Variants in PTPRD observed in about 807,000 individuals in gnomAD.
PTPRD encodes protein tyrosine phosphatase receptor type D, also known as receptor-type tyrosine-protein phosphatase delta.
A neutral mutation model predicts 214.5 loss-of-function variants in PTPRD; 34 were observed. That is an observed-to-expected ratio of 0.16 (90% CI 0.12 to 0.21). The LOEUF is 0.21. Ranked by LOEUF, PTPRD falls within the 10% of genes least tolerant of loss-of-function variation. PTPRD has a pLI of 1.00. For synonymous variants in PTPRD, 1,128 were observed against 845.7 expected, an observed-to-expected ratio of 1.33 and a Z score of -5.79; for missense variants, 2,545 against 2,398.7, an observed-to-expected ratio of 1.06 and a Z score of -1.27.
At position 9,407,840 on chromosome 9, in the gene PTPRD, T is replaced by C. The variant is rs1412107108; in HGVS notation, c.-236-10358A>G. Among the ~76,000 whole-genome samples, 7 of 151,996 alleles carry C rather than the reference T, an allele frequency of 4.6e-5. No homozygotes were observed. In the East Asian group the frequency reaches 9.6e-4, roughly 21 times the overall value. On this transcript the variant is annotated intron_variant, in intron 8 of 45. Transcript: ENST00000381196. ...AGTTGCAATTGTATTACTATATTTA[T>C]GATAAAAGAACTTTGTTTCCTTTCC... is the stretch of plus-strand genomic sequence containing the variant.
At chr9:8,809,641 A>G (rs1338388372) in intron 11 of PTPRD, among the ~76,000 whole-genome samples, 3 of 152,162 alleles carry the variant, frequency 2.0e-5, no homozygotes, top group Admixed American at 1.3e-4. Flanking sequence ...TACCTGAAAA[A>G]TTCCAGGTGT....
chr9:9,658,890 A>T (rs1365925891), intron 7 of PTPRD, among the ~76,000 whole-genome samples: 1 of 152,110 alleles, frequency 6.6e-6, no homozygotes, highest in African/African-American at 2.4e-5. Flanking sequence ...TTACTGAGGT[A>T]ATAAGAGTTA....
chr9:9,452,432 T>A (rs74716534), intron 8 of PTPRD, among the ~76,000 whole-genome samples: 2,905 of 151,390 alleles, frequency 0.019, 34 homozygotes, highest in South Asian at 0.033. Context: ...GAATGAATAA[T>A]GGGAAAAAAT....
intron 11 of PTPRD, among the ~76,000 whole-genome samples, chr9:9,018,002 A>AGTAT (rs531228745): frequency 6.6e-6 from 1 of 152,116 alleles, no homozygotes; most frequent in South Asian, 2.1e-4. Flanking sequence ...ATGAAGTGCA[A>AGTAT]GTATATGTAA....
chr9:9,745,560 C>T (rs1394408300), intron 6 of PTPRD, among the ~76,000 whole-genome samples: 1 of 152,038 alleles, frequency 6.6e-6, no homozygotes, highest in African/African-American at 2.4e-5. Context: ...GATTTTTATC[C>T]ATTTACATAT....
intron 2 of PTPRD, among the ~76,000 whole-genome samples, chr9:10,585,636 T>C (rs1202354693): frequency 1.3e-5 from 2 of 151,746 alleles, no homozygotes; most frequent in African/African-American, 4.8e-5. Flanking sequence ...AAAAATATAG[T>C]GAAGGGGGAA....
chr9:8,777,634 A>C (rs1328348932), intron 11 of PTPRD, among the ~76,000 whole-genome samples: 1 of 152,198 alleles, frequency 6.6e-6, no homozygotes, highest in East Asian at 1.9e-4. Context: ...AAGTCAGTCC[A>C]ACACTTAGCA....
intron 4 of PTPRD, among the ~76,000 whole-genome samples, chr9:9,953,690 A>G (rs1566679441): frequency 6.6e-6 from 1 of 152,194 alleles, no homozygotes; most frequent in Admixed American, 6.5e-5. Flanking sequence ...AGATCCCCTC[A>G]GTCCCATGTT....
chr9:9,907,509 T>C (rs910700379), intron 5 of PTPRD, among the ~76,000 whole-genome samples: 15 of 152,012 alleles, frequency 9.9e-5, no homozygotes, highest in Non-Finnish European at 1.9e-4. Context: ...ATTTACTCAA[T>C]GTACACATAT....
intron 11 of PTPRD, among the ~76,000 whole-genome samples, chr9:8,780,590 TC>T (rs1370135771): frequency 6.6e-6 from 1 of 152,102 alleles, no homozygotes; most frequent in Non-Finnish European, 1.5e-5. Flanking sequence ...TTTTATTCTC[TC>T]TGTGAGGTAC....
At chr9:10,084,641 C>A (rs1345411999) in intron 3 of PTPRD, among the ~76,000 whole-genome samples, 1 of 150,572 alleles carries the variant, frequency 6.6e-6, no homozygotes, top group African/African-American at 2.5e-5. Context: ...AGTCAACAAA[C>A]ACTTTCTGTA....
chr9:8,726,267 C>T (rs1003830815), intron 12 of PTPRD, among the ~76,000 whole-genome samples: 1 of 151,812 alleles, frequency 6.6e-6, no homozygotes, highest in African/African-American at 2.4e-5. Context: ...GGGGATGGGG[C>T]TCCCAACCAA....
At chr9:9,749,767 T>G (rs1053294338) in intron 6 of PTPRD, among the ~76,000 whole-genome samples, 1 of 152,168 alleles carries the variant, frequency 6.6e-6, no homozygotes, top group East Asian at 1.9e-4. Flanking sequence ...AGGCAAAAGT[T>G]AGGAGTATAG....
chr9:8,818,795 G>A (rs997098862), intron 11 of PTPRD, among the ~76,000 whole-genome samples: 10 of 152,236 alleles, frequency 6.6e-5, no homozygotes, highest in South Asian at 4.2e-4. Flanking sequence ...TGGTAATCAC[G>A]ATTTTGAATT....
chr9:8,845,784 C>T (rs539154207), intron 11 of PTPRD, among the ~76,000 whole-genome samples: 11 of 152,318 alleles, frequency 7.2e-5, no homozygotes, highest in Middle Eastern at 3.4e-3. Context: ...CATATTTTCC[C>T]ACTGCAGTTC....
intron 3 of PTPRD, among the ~76,000 whole-genome samples, chr9:10,310,708 G>A (rs562264845): frequency 5.9e-5 from 9 of 152,202 alleles, no homozygotes; most frequent in African/African-American, 2.2e-4. Flanking sequence ...TCCTTTTGTT[G>A]ATAAGCCTTT....
At chr9:10,111,662 A>G (rs2098693188) in intron 3 of PTPRD, among the ~76,000 whole-genome samples, 1 of 152,152 alleles carries the variant, frequency 6.6e-6, no homozygotes, top group East Asian at 1.9e-4. Flanking sequence ...TGACAATTGA[A>G]TGAGTAGGAG....
At chr9:9,324,037 G>A (rs1276574476) in intron 9 of PTPRD, among the ~76,000 whole-genome samples, 2 of 152,280 alleles carry the variant, frequency 1.3e-5, no homozygotes, top group East Asian at 1.9e-4. Flanking sequence ...TTTTATGGCT[G>A]CATAGTATTC....
At chr9:8,340,087 A>T (rs1851053489) in intron 42 of PTPRD, among the ~76,000 whole-genome samples, 1 of 152,174 alleles carries the variant, frequency 6.6e-6, no homozygotes, top group South Asian at 2.1e-4. Context: ...AAACGGGGAC[A>T]CCTGCTACTC....
Sources: allele counts gnomAD v4.1 joint callset (sites outside exome capture counted in the v4.1 genomes callset), GRCh38; gene constraint gnomAD v4.1.1; transcripts MANE v1.5; gene names NCBI Gene and HGNC (gene_info 2026-07-23, HGNC 2026-07-21).